Variants in PHYHIPL observed in about 807,000 individuals in gnomAD.
PHYHIPL encodes phytanoyl-CoA 2-hydroxylase interacting protein like, also known as phytanoyl-CoA hydroxylase-interacting protein-like.
A neutral mutation model predicts 33.4 loss-of-function variants in PHYHIPL; 9 were observed. The ratio of observed to expected loss-of-function variants is 0.27; its 90% CI spans 0.16 to 0.47. The LOEUF is 0.47. Ranked by LOEUF, PHYHIPL falls within the 20% of genes least tolerant of loss-of-function variation. The probability of loss-of-function intolerance (pLI) is 0.99; values close to 1 mark genes in which losing one functional copy is unlikely to be tolerated. For synonymous variants in PHYHIPL, 153 were observed against 154.1 expected, an observed-to-expected ratio of 0.99 and a Z score of 0.05; for missense variants, 365 against 460.7, an observed-to-expected ratio of 0.79 and a Z score of 1.90.
intron 4 of PHYHIPL, among the ~76,000 whole-genome samples, chr10:59,241,701 T>G (rs1426758657): frequency 6.6e-6 from 1 of 152,192 alleles, no homozygotes; most frequent in African/African-American, 2.4e-5. Context: ...ATTTTGTTAA[T>G]GAGAATGTAA....
At chr10:59,208,273 A>G (rs895495989) in intron 1 of PHYHIPL, among the ~76,000 whole-genome samples, 3 of 152,202 alleles carry the variant, frequency 2.0e-5, no homozygotes, top group African/African-American at 4.8e-5. Flanking sequence ...GGTAATACCC[A>G]GGCAAACAGG....
At chr10:59,202,954 C>T (rs1279711474) in intron 1 of PHYHIPL, among the ~76,000 whole-genome samples, 2 of 152,100 alleles carry the variant, frequency 1.3e-5, no homozygotes, top group African/African-American at 2.4e-5. Flanking sequence ...TCGTAAACTG[C>T]AGCACCCATA....
At chr10:59,217,611 AATTT>A (rs1216970420) in intron 1 of PHYHIPL, among the ~76,000 whole-genome samples, 5 of 151,758 alleles carry the variant, frequency 3.3e-5, no homozygotes, top group Admixed American at 2.0e-4. Context: ...TTTTTGCATA[AATTT>A]ATTGTGTTTC....
intron 1 of PHYHIPL, among the ~76,000 whole-genome samples, chr10:59,215,242 C>G (rs1839581070): frequency 6.6e-6 from 1 of 151,910 alleles, no homozygotes; most frequent in Non-Finnish European, 1.5e-5. Context: ...TTATTAACTT[C>G]TACATTGAAT....
At position 59,247,612 on chromosome 10, in the gene PHYHIPL, C is replaced by T; in HGVS notation, c.*2021C>T. 6.2e-7 allele frequency: 1 copy of T among 1,613,136 alleles called. No homozygotes were observed. The highest frequency in any genetic ancestry group is 8.5e-7 in the Non-Finnish European group (1 of 1,179,526). ...GAAAGTGATCATAACATTTCCTGAACCTCAAATAGTTTTGGCCACATCTTG... is the reference window on the plus strand; with the variant it reads ...GAAAGTGATCATAACATTTCCTGAATCTCAAATAGTTTTGGCCACATCTTG... On this transcript the variant is annotated 3_prime_UTR_variant, in exon 5 of 5. Coordinates refer to ENST00000373880, the MANE Select transcript of PHYHIPL (RefSeq NM_032439.4).
rs1485180102 is a variant in PHYHIPL, at chr10:59,247,366, G to A, written c.*1775G>A. 3 of 467,322 alleles carry A rather than the reference G, an allele frequency of 6.4e-6. No homozygotes were observed. Among genetic ancestry groups the A allele is most frequent in the Non-Finnish European group, 1.1e-5 (3 of 265,640 alleles). The allele number at this position is 467,322 out of a possible 1,614,324, so 28.9% of individuals were successfully genotyped here. A position where few individuals can be genotyped will look rare whatever the true frequency, so the allele number is the denominator to read the frequency against. ...TTAAAAATACTTGTATTGACTATGA[G>A]TTTTCTGCTTGGCATGGAGGACACT... is the stretch of plus-strand genomic sequence containing the variant. On this transcript the variant is annotated 3_prime_UTR_variant, in exon 5 of 5. Coordinates refer to ENST00000373880, the MANE Select transcript of PHYHIPL (RefSeq NM_032439.4).
At chr10:59,214,930 C>G (rs1237960558) in intron 1 of PHYHIPL, among the ~76,000 whole-genome samples, 1 of 151,932 alleles carries the variant, frequency 6.6e-6, no homozygotes, top group Non-Finnish European at 1.5e-5. Context: ...ATAGAACATT[C>G]TAGATGGATA....
intron 1 of PHYHIPL, among the ~76,000 whole-genome samples, chr10:59,192,197 A>G (rs1051615099): frequency 2.6e-5 from 4 of 152,176 alleles, no homozygotes; most frequent in African/African-American, 4.8e-5. Context: ...ACAATTTAAT[A>G]TTTGCTATTT....
chr10:59,176,824 A>G lies in PHYHIPL; in HGVS notation c.-30A>G. 6.3e-7 allele frequency: 1 copy of G among 1,589,986 alleles called. No homozygotes were observed. The highest frequency in any genetic ancestry group is 8.6e-7 in the Non-Finnish European group (1 of 1,164,810). ...GCCGGCAGAGAGAGCCTGGATACGA[A>G]GCAGGCGGGCTTCAGAGTGGGTTGG... On this transcript the variant is annotated 5_prime_UTR_variant, in exon 1 of 5. Coordinates refer to ENST00000373880, the MANE Select transcript of PHYHIPL (RefSeq NM_032439.4).
intron 1 of PHYHIPL, among the ~76,000 whole-genome samples, chr10:59,209,013 A>G (rs1029176787): frequency 3.3e-5 from 5 of 152,202 alleles, no homozygotes; most frequent in Non-Finnish European, 5.9e-5. Context: ...TCAGGATATT[A>G]TCCATGGAGA....
intron 1 of PHYHIPL, among the ~76,000 whole-genome samples, chr10:59,217,446 C>T (rs1839650318): frequency 6.6e-6 from 1 of 151,652 alleles, no homozygotes; most frequent in Non-Finnish European, 1.5e-5. Context: ...ATTTCTAGTG[C>T]AGAAAAAATA....
Position 59,236,221 on chromosome 10 carries a change from T to G in PHYHIPL, c.304-262T>G, listed in dbSNP as rs1840225693. Among the ~76,000 whole-genome samples the G allele has an allele frequency of 3.3e-5, 5 of 152,036 alleles. 1 individual carries two copies. The South Asian group carries it at 1.0e-3, about 31-fold the overall frequency. On this transcript the variant is annotated intron_variant, in intron 2 of 4. Coordinates refer to ENST00000373880, the MANE Select transcript of PHYHIPL (RefSeq NM_032439.4). ...AAATAAGAGATTTAAATATAATAAT[T>G]GTTAAGTATCTTTAAGCAGAAAAAT...
chr10:59,177,156 G>C (rs1838274738), intron 1 of PHYHIPL, 197 bp downstream of exon 1: 1 of 606,258 alleles, frequency 1.6e-6, no homozygotes, highest in Non-Finnish European at 2.8e-6. Context: ...CGGGGCTCGC[G>C]CCTTGGCGCG....
chr10:59,235,301 T>A (rs139872630), intron 2 of PHYHIPL, among the ~76,000 whole-genome samples: 1 of 151,888 alleles, frequency 6.6e-6, no homozygotes, highest in Non-Finnish European at 1.5e-5. Context: ...TATTCACATA[T>A]CATATATCTT....
At chr10:59,214,132 T>C (rs1839542211) in intron 1 of PHYHIPL, among the ~76,000 whole-genome samples, 1 of 152,138 alleles carries the variant, frequency 6.6e-6, no homozygotes, top group Admixed American at 6.6e-5. Flanking sequence ...TATTCCATAC[T>C]ATAAATTCCA....
intron 1 of PHYHIPL, 167 bp downstream of exon 1, chr10:59,177,126 C>A: frequency 1.6e-6 from 1 of 638,372 alleles, no homozygotes; most frequent in Non-Finnish European, 2.6e-6. Context: ...CCTCCCCTCA[C>A]CCCAGAAACA....
intron 1 of PHYHIPL, among the ~76,000 whole-genome samples, chr10:59,233,342 G>GT (rs892126596): frequency 7.9e-5 from 12 of 151,562 alleles, no homozygotes; most frequent in African/African-American, 2.9e-4. Context: ...ATTCACTGTT[G>GT]TTTTTTTGTT....
rs1399648418 is a variant in PHYHIPL at position 59,241,296 on chromosome 10, A to G, written c.596+2591A>G. ...TTTTAATTACTGGATACACTTTCCA[A>G]AGTTTATAATCCATTTTGAATTATG... On this transcript the variant is annotated intron_variant, in intron 4 of 4. Transcript: ENST00000373880. Among the ~76,000 whole-genome samples, 3 of 152,026 alleles carry G rather than the reference A, an allele frequency of 2.0e-5. No individual in the cohort carries two copies. The East Asian group carries it at 5.8e-4, about 29-fold the overall frequency.
Position 59,247,403 on chromosome 10 carries a change from C to T in PHYHIPL, c.*1812C>T. ...GCATGGAGGACACTGAATTTTTTCC[C>T]AATTATATGGCTACCTGTTGTATTC... On this transcript the variant is annotated 3_prime_UTR_variant, in exon 5 of 5. Transcript: ENST00000373880. 3 of 541,768 alleles carry T rather than the reference C, an allele frequency of 5.5e-6. No individual in the cohort carries two copies. Among genetic ancestry groups the T allele is most frequent in the Admixed American group, 3.8e-5 (1 of 26,516 alleles). 33.6% of individuals were successfully genotyped at this position (541,768 alleles called of 1,614,324 possible). A position where few individuals can be genotyped will look rare whatever the true frequency, so the allele number is the denominator to read the frequency against.
Sources: gnomAD v4.1 joint callset for allele counts (sites outside exome capture counted in the v4.1 genomes callset) on GRCh38, gnomAD v4.1.1 for gene constraint, MANE v1.5 for transcripts, NCBI Gene and HGNC (gene_info 2026-07-23, HGNC 2026-07-21) for gene names.